Variants in HEMK2 observed in about 807,000 individuals in gnomAD.
HEMK2 encodes methyltransferase HEMK2.
chr21:28,846,879 A>G, the HEMK2 span, among the ~76,000 whole-genome samples: 4 of 152,168 alleles, frequency 2.6e-5, no homozygotes, highest in East Asian at 1.9e-4. Flanking sequence ...AAGCAAGAGT[A>G]TGTGGCATTT....
chr21:28,819,544 C>T, the HEMK2 span, among the ~76,000 whole-genome samples: 11 of 111,864 alleles, frequency 9.8e-5, no homozygotes, highest in African/African-American at 1.7e-4. Flanking sequence ...TTTTCTTTTC[C>T]TTTTTTTTTT....
chr21:28,611,398 C>T, the HEMK2 span, among the ~76,000 whole-genome samples: 2 of 151,834 alleles, frequency 1.3e-5, no homozygotes, highest in Non-Finnish European at 2.9e-5. Context: ...ATACTGCAAC[C>T]GATATTACAA....
At chr21:28,848,761 A>T in the HEMK2 span, among the ~76,000 whole-genome samples, 1 of 152,208 alleles carries the variant, frequency 6.6e-6, no homozygotes, top group Non-Finnish European at 1.5e-5. Context: ...AAATCTAAAA[A>T]ACCCACTGTG....
the HEMK2 span, among the ~76,000 whole-genome samples, chr21:28,715,624 T>C: frequency 9.2e-5 from 14 of 152,228 alleles, no homozygotes; most frequent in African/African-American, 3.4e-4. Flanking sequence ...TATTTTGCTG[T>C]GCAGAAGTTC....
chr21:28,840,270 T>G, the HEMK2 span, among the ~76,000 whole-genome samples: 1 of 152,090 alleles, frequency 6.6e-6, no homozygotes, highest in East Asian at 1.9e-4. Context: ...TTCTAGAAGA[T>G]AACATTGGAA....
At chr21:28,732,087 T>C in the HEMK2 span, among the ~76,000 whole-genome samples, 18 of 152,232 alleles carry the variant, frequency 1.2e-4, no homozygotes, top group African/African-American at 4.3e-4. Flanking sequence ...CGTTTTGTTC[T>C]AGGACGCAGG....
chr21:28,704,156 A>G, the HEMK2 span, among the ~76,000 whole-genome samples: 1 of 152,176 alleles, frequency 6.6e-6, no homozygotes, highest in Non-Finnish European at 1.5e-5. Context: ...AAATTAGCTA[A>G]GTTAGCTGCA....
chr21:28,807,432 A>G, the HEMK2 span, among the ~76,000 whole-genome samples: 1 of 152,174 alleles, frequency 6.6e-6, no homozygotes, highest in Admixed American at 6.6e-5. Context: ...CAGAATTGTT[A>G]TCAGGGATTG....
the HEMK2 span, among the ~76,000 whole-genome samples, chr21:28,868,122 T>C: frequency 6.6e-6 from 1 of 152,204 alleles, no homozygotes; most frequent in Non-Finnish European, 1.5e-5. Context: ...TTCAGTTTAT[T>C]TATCTTTGGG....
the HEMK2 span, among the ~76,000 whole-genome samples, chr21:28,688,643 T>C: frequency 6.6e-6 from 1 of 152,020 alleles, no homozygotes; most frequent in African/African-American, 2.4e-5. Flanking sequence ...AAAATATACT[T>C]AGCATTATTA....
At chr21:28,875,190 G>A in the HEMK2 span, 1 of 152,210 alleles carries the variant, frequency 6.6e-6, no homozygotes, top group Non-Finnish European at 1.5e-5. Context: ...GGGCCTCTCA[G>A]GCCCAATCAT....
chr21:28,640,944 T>G, the HEMK2 span, among the ~76,000 whole-genome samples: 632 of 152,304 alleles, frequency 4.1e-3, 7 homozygotes, highest in Non-Finnish European at 6.5e-3. Context: ...CCTTTGACAC[T>G]CTCAGAAGGA....
chr21:28,874,657 C>G, the HEMK2 span: 1 of 152,216 alleles, frequency 6.6e-6, no homozygotes, highest in Non-Finnish European at 1.5e-5. Flanking sequence ...ATCTTGTCCA[C>G]TTTATTAAAA....
chr21:28,707,078 G>A, the HEMK2 span, among the ~76,000 whole-genome samples: 2 of 152,174 alleles, frequency 1.3e-5, no homozygotes, highest in African/African-American at 4.8e-5. Context: ...GGGCCTCAAA[G>A]TTCATGTGGA....
At chr21:28,719,142 T>C in the HEMK2 span, among the ~76,000 whole-genome samples, 2 of 152,156 alleles carry the variant, frequency 1.3e-5, no homozygotes, top group Admixed American at 1.3e-4. Context: ...TGACTTCATC[T>C]CCAGCCCCTG....
At chr21:28,881,307 T>C in the HEMK2 span, among the ~76,000 whole-genome samples, 3 of 152,316 alleles carry the variant, frequency 2.0e-5, no homozygotes, top group African/African-American at 7.2e-5. Flanking sequence ...GCTCCTGGGA[T>C]GGAACTATGA....
chr21:28,716,409 T>C, the HEMK2 span, among the ~76,000 whole-genome samples: 1 of 152,134 alleles, frequency 6.6e-6, no homozygotes, highest in African/African-American at 2.4e-5. Flanking sequence ...TAAATGGAAT[T>C]GTGTTCTTGA....
chr21:28,776,384 T>C, the HEMK2 span, among the ~76,000 whole-genome samples: 2 of 152,142 alleles, frequency 1.3e-5, no homozygotes, highest in Non-Finnish European at 2.9e-5. Flanking sequence ...TGAGGTGCAA[T>C]TCAAAAAATT....
the HEMK2 span, among the ~76,000 whole-genome samples, chr21:28,829,375 T>C: frequency 2.0e-4 from 31 of 152,320 alleles, 1 homozygote; most frequent in Middle Eastern, 6.8e-3. Flanking sequence ...AATTAGAACA[T>C]GAGGGCTCTG....
Sources: allele counts gnomAD v4.1 joint callset (sites outside exome capture counted in the v4.1 genomes callset), GRCh38; gene constraint gnomAD v4.1.1; transcripts MANE v1.5; gene names NCBI Gene and HGNC (gene_info 2026-07-23, HGNC 2026-07-21).